The following MALRD1 variants were observed in gnomAD, a reference collection of about 807,000 sequenced individuals.
The protein encoded by MALRD1 is MAM and LDL receptor class A domain containing 1, also known as MAM and LDL-receptor class A domain-containing protein 1.
Under a neutral mutation model 242.1 loss-of-function variants are expected in MALRD1, and 247 were observed. The ratio of observed to expected loss-of-function variants is 1.02; its 90% CI spans 0.92 to 1.13. The LOEUF (loss-of-function observed/expected upper bound fraction) is 1.13, where lower values mean the gene tolerates loss of function less well. Among genes scored for constraint, MALRD1 ranks in the 50% most tolerant of loss-of-function variants. The pLI, the probability that MALRD1 is intolerant of heterozygous loss-of-function variation, is 0.00. For synonymous variants in MALRD1, 995 were observed against 866.6 expected, an observed-to-expected ratio of 1.15 and a Z score of -2.60; for missense variants, 2,989 against 2,533.1, an observed-to-expected ratio of 1.18 and a Z score of -3.86.
chr10:19,560,681 A>G (rs1835924243), intron 32 of MALRD1, among the ~76,000 whole-genome samples: 1 of 152,200 alleles, frequency 6.6e-6, no homozygotes, highest in South Asian at 2.1e-4. Flanking sequence ...ATGAAGCTGG[A>G]AACCATCATT....
intron 36 of MALRD1, among the ~76,000 whole-genome samples, chr10:19,644,484 G>GC (rs1427068448): frequency 0.15 from 146 of 1,000 alleles, no homozygotes; most frequent in African/African-American, 0.29. Context: ...AGACATGGGG[G>GC]CCAGTTTGTG....
intron 36 of MALRD1, among the ~76,000 whole-genome samples, chr10:19,657,791 T>G (rs1841233378): frequency 6.6e-6 from 1 of 152,206 alleles, no homozygotes; most frequent in African/African-American, 2.4e-5. Context: ...AATAAAGGAA[T>G]GAAGAAAGAA....
intron 36 of MALRD1, among the ~76,000 whole-genome samples, chr10:19,627,390 A>G (rs1839699908): frequency 2.0e-5 from 3 of 152,010 alleles, no homozygotes; most frequent in Non-Finnish European, 4.4e-5. Flanking sequence ...GTGGTAAAAG[A>G]CACCATAAAC....
chr10:19,398,963 A>G (rs1351111535), intron 28 of MALRD1, among the ~76,000 whole-genome samples: 1 of 152,232 alleles, frequency 6.6e-6, no homozygotes, highest in Non-Finnish European at 1.5e-5. Context: ...AGAGTCAGCA[A>G]CTTCCATACT....
chr10:19,397,513 AT>A (rs1312637989), intron 28 of MALRD1, among the ~76,000 whole-genome samples: 6 of 152,074 alleles, frequency 3.9e-5, no homozygotes, highest in Admixed American at 3.9e-4. Context: ...TTGATTGCAT[AT>A]CTTGGCTATT....
chr10:19,193,652 G>A (rs1053935627), intron 14 of MALRD1, among the ~76,000 whole-genome samples: 1 of 152,282 alleles, frequency 6.6e-6, no homozygotes, highest in Admixed American at 6.5e-5. Context: ...AAAATGAGTA[G>A]CGTTAATATA....
At chr10:19,077,501 C>T (rs1379791831) in intron 2 of MALRD1, among the ~76,000 whole-genome samples, 3 of 151,836 alleles carry the variant, frequency 2.0e-5, no homozygotes, top group African/African-American at 7.3e-5. Flanking sequence ...TTAATGCTGA[C>T]CCTAAAGGGT....
At position 19,250,861 on chromosome 10, in the gene MALRD1, C is replaced by A. The variant is rs531317339; in HGVS notation, c.2992-6823C>A. Among the ~76,000 whole-genome samples the A allele has an allele frequency of 7.7e-4, 117 of 151,964 alleles. 1 individual carries two copies. Among genetic ancestry groups the A allele is most frequent in the Non-Finnish European group, 1.5e-3 (105 of 67,924 alleles). ...AATGTGTGTATTCTCTTTCACTCAA[C>A]AAGATTAGCAGAAAGAATTCTCTGT... is the stretch of plus-strand genomic sequence containing the variant. On this transcript the variant is annotated intron_variant, in intron 18 of 39. Coordinates refer to ENST00000454679, the MANE Select transcript of MALRD1 (RefSeq NM_001142308.3).
At chr10:19,396,189 G>T (rs1299999166) in intron 28 of MALRD1, among the ~76,000 whole-genome samples, 66 of 144,826 alleles carry the variant, frequency 4.6e-4, no homozygotes, top group Non-Finnish European at 8.8e-4. Flanking sequence ...CCTGGCTGAG[G>T]TGCAGTGATG....
chr10:19,393,167 C>A (rs568002295), intron 28 of MALRD1, among the ~76,000 whole-genome samples: 2 of 152,062 alleles, frequency 1.3e-5, no homozygotes, highest in Non-Finnish European at 2.9e-5. Context: ...TGGGCCCTAT[C>A]TTTTTCTGAA....
At position 19,257,690 on chromosome 10, in the gene MALRD1, G is replaced by T; in HGVS notation, c.2998G>T (p.Val1000Leu). The change falls in exon 19 of 40, where the codon GTG (valine) becomes TTG (leucine). Residue 1000 changes from valine to leucine, a missense_variant. Coordinates refer to ENST00000454679, the MANE Select transcript of MALRD1 (RefSeq NM_001142308.3). ...ISSRQPFQIL[V>L]EASVGDGFTG... ...TTTTATTTTATTTTTTTAGATATTG[G>T]TGGAGGCTTCAGTGGGAGATGGCTT... 6.5e-7 allele frequency: 1 copy of T among 1,532,048 alleles called. No homozygotes were observed. Among genetic ancestry groups the T allele is most frequent in the Non-Finnish European group, 8.8e-7 (1 of 1,135,508 alleles). 94.9% of individuals were successfully genotyped at this position (1,532,048 alleles called of 1,614,324 possible). A position where few individuals can be genotyped will look rare whatever the true frequency, so the allele number is the denominator to read the frequency against.
chr10:19,256,983 C>T (rs563247543), intron 18 of MALRD1, among the ~76,000 whole-genome samples: 4 of 152,034 alleles, frequency 2.6e-5, no homozygotes, highest in Non-Finnish European at 5.9e-5. Flanking sequence ...AATAATTCAT[C>T]ATGATCAATT....
intron 28 of MALRD1, among the ~76,000 whole-genome samples, chr10:19,423,816 G>C (rs2130923220): frequency 6.6e-6 from 1 of 152,330 alleles, no homozygotes; most frequent in Non-Finnish European, 1.5e-5. Flanking sequence ...CAGCCAGGAT[G>C]CAGCAGGGAG....
intron 36 of MALRD1, among the ~76,000 whole-genome samples, chr10:19,627,543 C>T (rs1458032102): frequency 6.6e-6 from 1 of 151,894 alleles, no homozygotes; most frequent in Non-Finnish European, 1.5e-5. Context: ...CAAGACTAGC[C>T]TGGCCAACAT....
chr10:19,394,730 T>G (rs1280020548), intron 28 of MALRD1, among the ~76,000 whole-genome samples: 1 of 152,230 alleles, frequency 6.6e-6, no homozygotes, highest in African/African-American at 2.4e-5. Flanking sequence ...AATGTTCCAG[T>G]GAGCCTTTGC....
chr10:19,052,174 A>C (rs762547186), intron 1 of MALRD1: 8 of 423,470 alleles, frequency 1.9e-5, no homozygotes, highest in Non-Finnish European at 2.8e-5. Context: ...AAAGAAAATA[A>C]ACAGTATTAC....
At chr10:19,134,763 T>C (rs901503950) in intron 9 of MALRD1, among the ~76,000 whole-genome samples, 1 of 152,210 alleles carries the variant, frequency 6.6e-6, no homozygotes, top group African/African-American at 2.4e-5. Context: ...AGATTAAATT[T>C]TGTTTTAACT....
At chr10:19,472,621 C>CTTCTTGGT (rs1396942107) in intron 29 of MALRD1, among the ~76,000 whole-genome samples, 15 of 151,916 alleles carry the variant, frequency 9.9e-5, no homozygotes, top group African/African-American at 3.1e-4. Context: ...CTTCATGATT[C>CTTCTTGGT]AGTCTTGGTA....
intron 36 of MALRD1, among the ~76,000 whole-genome samples, chr10:19,621,980 G>C: frequency 6.6e-6 from 1 of 151,888 alleles, no homozygotes; most frequent in Middle Eastern, 3.4e-3. Flanking sequence ...ATTTTAAAAA[G>C]AGGCACTATG....
Sources: gnomAD v4.1 joint callset for allele counts (sites outside exome capture counted in the v4.1 genomes callset) on GRCh38, gnomAD v4.1.1 for gene constraint, MANE v1.5 for transcripts, NCBI Gene and HGNC (gene_info 2026-07-23, HGNC 2026-07-21) for gene names.